ADGRG7: variants seen among roughly 807,000 people sequenced by gnomAD.
ADGRG7 encodes G-protein coupled receptor 128.
Under a neutral mutation model 88.6 loss-of-function variants are expected in ADGRG7, and 82 were observed. That is an observed-to-expected ratio of 0.93 (90% CI 0.77 to 1.11). The LOEUF (loss-of-function observed/expected upper bound fraction) is 1.11. Among genes scored for constraint, ADGRG7 ranks in the 50% most tolerant of loss-of-function variants. The pLI is 0.00. For missense variants in ADGRG7, 945 were observed against 953.4 expected, an observed-to-expected ratio of 0.99 and a Z score of 0.12; for synonymous variants, 381 against 345.2, an observed-to-expected ratio of 1.10 and a Z score of -1.15.
At chr3:100,610,252 T>C (rs1410027035) in intron 1 of ADGRG7, among the ~76,000 whole-genome samples, 1 of 152,196 alleles carries the variant, frequency 6.6e-6, no homozygotes, top group Non-Finnish European at 1.5e-5. Context: ...AGAGTAATAA[T>C]TAAAACGATT....
At chr3:100,669,584 G>T (rs1280763791) in intron 15 of ADGRG7, among the ~76,000 whole-genome samples, 3 of 145,452 alleles carry the variant, frequency 2.1e-5, no homozygotes, top group Non-Finnish European at 4.5e-5. Flanking sequence ...CATAGTAGGT[G>T]TATATATTTA....
At position 100,658,109 on chromosome 3, in the gene ADGRG7, C is replaced by T. The variant is rs978416833; in HGVS notation, c.1824-1579C>T. On this transcript the variant is annotated intron_variant, in intron 13 of 15. Coordinates refer to ENST00000273352, the MANE Select transcript of ADGRG7 (RefSeq NM_032787.3). ...TCTTCCCTCCCAAACCTGCTCATCT[C>T]ATCGTCTTCCCCAGTTAATAGTAAT... 1.6e-4 allele frequency among the ~76,000 whole-genome samples: 24 copies of T among 152,304 alleles called. No individual in the cohort carries two copies. In the South Asian group the frequency reaches 1.7e-3, roughly 11 times the overall value.
intron 15 of ADGRG7, among the ~76,000 whole-genome samples, chr3:100,691,330 G>A (rs896613913): frequency 1.4e-4 from 21 of 152,084 alleles, no homozygotes; most frequent in South Asian, 6.2e-4. Flanking sequence ...GCAATGCCTC[G>A]CCCTGCTTCA....
At chr3:100,651,410 T>A (rs1443190991) in intron 11 of ADGRG7, among the ~76,000 whole-genome samples, 1 of 152,230 alleles carries the variant, frequency 6.6e-6, no homozygotes, top group Non-Finnish European at 1.5e-5. Flanking sequence ...TAGGGATGAG[T>A]CATAGTTGCT....
intron 8 of ADGRG7, among the ~76,000 whole-genome samples, chr3:100,644,625 G>A (rs972131403): frequency 1.3e-5 from 2 of 151,846 alleles, no homozygotes; most frequent in Admixed American, 6.6e-5. Context: ...CCTCCCAGGA[G>A]GAAGCAATCC....
chr3:100,665,382 A>G (rs1010787968), intron 14 of ADGRG7: 1 of 540,480 alleles, frequency 1.9e-6, no homozygotes, highest in African/African-American at 1.9e-5. Context: ...TCTTCATTAC[A>G]ATAGAAGCAT....
chr3:100,690,666 G>A (rs1403866097), intron 15 of ADGRG7, among the ~76,000 whole-genome samples: 2 of 152,222 alleles, frequency 1.3e-5, no homozygotes, highest in African/African-American at 4.8e-5. Context: ...ATCAGCAGTG[G>A]TGGCTGCAGA....
At chr3:100,646,135 A>G in intron 9 of ADGRG7, 27 bp downstream of exon 9, 3 of 1,600,788 alleles carry the variant, frequency 1.9e-6, no homozygotes, top group Non-Finnish European at 2.6e-6. Flanking sequence ...AGATGCAAGA[A>G]AAAAGTGTCC....
In ADGRG7 at chr3:100,642,458, T is replaced by C. The variant is rs559022131; in HGVS notation, c.699-808T>C. Among the ~76,000 whole-genome samples the C allele has an allele frequency of 2.8e-3, 433 of 152,342 alleles. 3 individuals are homozygous for C. Among genetic ancestry groups the C allele is most frequent in the Middle Eastern group, 0.024 (7 of 294 alleles). ...CTCATTTGGAGGTAGAGAAAAGATA[T>C]TTTAGTGTCAGAAATAAAGATTTGA... is the stretch of plus-strand genomic sequence containing the variant. On this transcript the variant is annotated intron_variant, in intron 6 of 15. Transcript: ENST00000273352.
intron 8 of ADGRG7, among the ~76,000 whole-genome samples, chr3:100,644,234 T>C (rs966223414): frequency 2.0e-5 from 3 of 151,942 alleles, no homozygotes; most frequent in Non-Finnish European, 2.9e-5. Context: ...TTTTCATTTC[T>C]CCCCAAGCAA....
chr3:100,617,337 A>T (rs2149011639), intron 1 of ADGRG7, among the ~76,000 whole-genome samples: 1 of 152,032 alleles, frequency 6.6e-6, no homozygotes, highest in South Asian at 2.1e-4. Context: ...GTCACTTAAC[A>T]TTAGGTATAT....
chr3:100,611,052 A>G (rs1054869907), intron 1 of ADGRG7, among the ~76,000 whole-genome samples: 1 of 152,206 alleles, frequency 6.6e-6, no homozygotes, highest in Non-Finnish European at 1.5e-5. Context: ...AGAGAACTAG[A>G]ATGAGAAAAT....
At chr3:100,627,683 A>T (rs1294403481) in intron 1 of ADGRG7, among the ~76,000 whole-genome samples, 1 of 152,190 alleles carries the variant, frequency 6.6e-6, no homozygotes, top group Admixed American at 6.5e-5. Flanking sequence ...CTGGGCTGGC[A>T]GTTGGATACT....
intron 9 of ADGRG7, among the ~76,000 whole-genome samples, 175 bp from the exon 10 acceptor site, chr3:100,646,394 A>G (rs1707747415): frequency 6.6e-6 from 1 of 152,198 alleles, no homozygotes. Context: ...CTAAATGCAA[A>G]GTTAACTAAT....
chr3:100,664,806 CA>C (rs2094949747), intron 14 of ADGRG7, among the ~76,000 whole-genome samples: 1 of 152,048 alleles, frequency 6.6e-6, no homozygotes, highest in South Asian at 2.1e-4. Context: ...CACAAGAGTG[CA>C]AAAAGTCCAT....
intron 8 of ADGRG7, among the ~76,000 whole-genome samples, chr3:100,644,122 T>C (rs1000538479): frequency 2.6e-5 from 4 of 152,336 alleles, no homozygotes; most frequent in Admixed American, 2.0e-4. Context: ...TGCTCACTAT[T>C]GTCCTACATA....
intron 15 of ADGRG7, among the ~76,000 whole-genome samples, chr3:100,686,266 T>C (rs2094982461): frequency 6.6e-6 from 1 of 152,232 alleles, no homozygotes. Context: ...TTATAGATTC[T>C]GGATATTAGC....
intron 1 of ADGRG7, among the ~76,000 whole-genome samples, chr3:100,620,301 C>A (rs1707292352): frequency 6.6e-6 from 1 of 152,154 alleles, no homozygotes; most frequent in South Asian, 2.1e-4. Flanking sequence ...GAACCAATGA[C>A]AAAAACTATA....
intron 15 of ADGRG7, among the ~76,000 whole-genome samples, chr3:100,676,801 T>G (rs1353863239): frequency 6.6e-6 from 1 of 152,126 alleles, no homozygotes; most frequent in Non-Finnish European, 1.5e-5. Context: ...CATATATATA[T>G]ATTTACAATT....
Sources: gnomAD v4.1 joint callset for allele counts (sites outside exome capture counted in the v4.1 genomes callset) on GRCh38, gnomAD v4.1.1 for gene constraint, MANE v1.5 for transcripts, NCBI Gene and HGNC (gene_info 2026-07-23, HGNC 2026-07-21) for gene names.